Variants in ARMC9 observed in about 807,000 individuals in gnomAD.
ARMC9 encodes the protein armadillo repeat containing 9.
ARMC9 carries 94 observed loss-of-function variants against 107.0 expected under a neutral mutation model. That is an observed-to-expected ratio of 0.88 (90% CI 0.74 to 1.04). The LOEUF is 1.04. Among genes scored for constraint, ARMC9 ranks in the 50% least tolerant of loss-of-function variants. The pLI, the probability that ARMC9 is intolerant of heterozygous loss-of-function variation, is 0.00. For synonymous variants in ARMC9, 380 were observed against 396.9 expected, an observed-to-expected ratio of 0.96 and a Z score of 0.51; for missense variants, 942 against 1,030.1, an observed-to-expected ratio of 0.91 and a Z score of 1.17.
intron 21 of ARMC9, among the ~76,000 whole-genome samples, chr2:231,352,217 C>G (rs1319692796): frequency 2.0e-5 from 3 of 152,108 alleles, no homozygotes; most frequent in Admixed American, 6.5e-5. Flanking sequence ...CTACCTCAGC[C>G]TTCCAAAGTG....
At chr2:231,282,823 T>C (rs1384116220) in intron 17 of ARMC9, among the ~76,000 whole-genome samples, 1 of 152,196 alleles carries the variant, frequency 6.6e-6, no homozygotes, top group African/African-American at 2.4e-5. Context: ...TAAGAACCAT[T>C]CTATGTGATC....
chr2:231,217,429 C>T (rs1317220789), intron 5 of ARMC9, among the ~76,000 whole-genome samples: 3 of 151,952 alleles, frequency 2.0e-5, no homozygotes, highest in African/African-American at 4.8e-5. Flanking sequence ...ACTAAAAGTA[C>T]AAAAATTAGC....
At chr2:231,245,157 G>A (rs905448894) in intron 9 of ARMC9, among the ~76,000 whole-genome samples, 10 of 152,156 alleles carry the variant, frequency 6.6e-5, no homozygotes, top group African/African-American at 2.2e-4. Flanking sequence ...GTTTGACTCC[G>A]CGTATTGCTG....
chr2:231,235,847 G>A (rs2125361808), intron 8 of ARMC9, among the ~76,000 whole-genome samples: 1 of 152,308 alleles, frequency 6.6e-6, no homozygotes, highest in East Asian at 1.9e-4. Context: ...TCTCCATGTT[G>A]GTCAGGCTGG....
intron 1 of ARMC9, among the ~76,000 whole-genome samples, chr2:231,199,357 G>C (rs2030356851): frequency 6.6e-6 from 1 of 152,248 alleles, no homozygotes; most frequent in South Asian, 2.1e-4. Flanking sequence ...TGGGCATGGT[G>C]CCTGCCACGG....
At chr2:231,287,968 C>G (rs1011099504) in intron 17 of ARMC9, among the ~76,000 whole-genome samples, 1 of 152,154 alleles carries the variant, frequency 6.6e-6, no homozygotes, top group African/African-American at 2.4e-5. Context: ...GTGGGTACTC[C>G]TGAGCCTGAG....
At chr2:231,256,204 C>T (rs1574824679) in intron 9 of ARMC9, 11 of 1,529,322 alleles carry the variant, frequency 7.2e-6, no homozygotes, top group East Asian at 2.4e-5. Context: ...AATTCATGGA[C>T]GACACGAGCC....
At chr2:231,278,106 G>T (rs1574919231) in intron 15 of ARMC9, among the ~76,000 whole-genome samples, 1 of 152,134 alleles carries the variant, frequency 6.6e-6, no homozygotes, top group East Asian at 1.9e-4. Context: ...GGTTTACTGA[G>T]CACCGAGGTT....
At chr2:231,262,613 T>G (rs182185261) in intron 12 of ARMC9, among the ~76,000 whole-genome samples, 8 of 152,306 alleles carry the variant, frequency 5.3e-5, no homozygotes, top group Admixed American at 1.3e-4. Flanking sequence ...TCTCTGGAGC[T>G]CTTTTCTGCC....
intron 21 of ARMC9, among the ~76,000 whole-genome samples, chr2:231,352,891 C>T (rs1469787186): frequency 8.6e-6 from 1 of 116,728 alleles, no homozygotes; most frequent in Non-Finnish European, 1.6e-5. Flanking sequence ...GATGGTGAAT[C>T]CCCGTCTCTA....
rs2044731024 is a variant in ARMC9, at chr2:231,344,992, G to C, written c.1896G>C (p.Gly632=). ...TCCACCAGATCATGACCAACACGGG[G>C]AAGACAAGGCGGAAGGGGCTGGCTA... ...TEYLGIMTNT[G]KTRRKGLANV... is the part of the protein sequence containing the mutation. The change falls in exon 21 of 25, where the codon GGG becomes GGC. Residue 632 remains glycine, a synonymous_variant. Transcript: ENST00000611582. 1 of 1,613,894 alleles carries C rather than the reference G, an allele frequency of 6.2e-7. No individual in the cohort carries two copies. Among genetic ancestry groups the C allele is most frequent in the Non-Finnish European group, 8.5e-7 (1 of 1,180,000 alleles).
chr2:231,320,052 G>T (rs769657089), intron 19 of ARMC9, among the ~76,000 whole-genome samples: 10 of 152,018 alleles, frequency 6.6e-5, no homozygotes, highest in African/African-American at 2.2e-4. Context: ...TTGTTTACTG[G>T]CTTGCTTTTT....
chr2:231,320,178 C>G (rs1470059505), intron 19 of ARMC9, among the ~76,000 whole-genome samples: 1 of 152,152 alleles, frequency 6.6e-6, no homozygotes, highest in Non-Finnish European at 1.5e-5. Flanking sequence ...TCCTTCCTTT[C>G]CTGTGTTTTC....
chr2:231,267,291 C>T (rs1243184626), intron 12 of ARMC9, among the ~76,000 whole-genome samples: 3 of 152,054 alleles, frequency 2.0e-5, no homozygotes, highest in East Asian at 1.9e-4. Context: ...GGTGCAGTGG[C>T]GTGATCTCGG....
rs1203158230 is a variant in ARMC9, at chr2:231,374,372, T to G, written c.*2837T>G. 1.3e-5 allele frequency: 2 copies of G among 152,068 alleles called. No individual in the cohort carries two copies. The highest frequency in any genetic ancestry group is 1.3e-4 in the Admixed American group (2 of 15,266). The allele number at this position is 152,068 out of a possible 1,614,324, so 9.4% of individuals were successfully genotyped here. On this transcript the variant is annotated 3_prime_UTR_variant, in exon 25 of 25. Transcript: ENST00000611582. ...CTCACATCTTCTGGTTTCTTCTGAGTGGGACTTGATCTCATTTCTGCATTC... is the reference window on the plus strand; with the variant it reads ...CTCACATCTTCTGGTTTCTTCTGAGGGGGACTTGATCTCATTTCTGCATTC...
At chr2:231,235,475 C>T in intron 8 of ARMC9, 94 bp downstream of exon 8, 1 of 1,407,176 alleles carries the variant, frequency 7.1e-7, no homozygotes, top group South Asian at 1.6e-5. Flanking sequence ...GAGCCTGCCT[C>T]TCTCCATTCC....
intron 16 of ARMC9, among the ~76,000 whole-genome samples, chr2:231,279,807 G>C (rs1407644777): frequency 6.6e-6 from 1 of 151,984 alleles, no homozygotes; most frequent in Non-Finnish European, 1.5e-5. Flanking sequence ...ACCATGCCTG[G>C]CCCGTCTGTT....
intron 9 of ARMC9, among the ~76,000 whole-genome samples, chr2:231,246,303 AC>A (rs1284555967): frequency 6.6e-6 from 1 of 152,176 alleles, no homozygotes; most frequent in Non-Finnish European, 1.5e-5. Context: ...TGATCTCATC[AC>A]CCAGGTAGTG....
intron 9 of ARMC9, among the ~76,000 whole-genome samples, chr2:231,241,198 C>CAAAA (rs5839393): frequency 8.6e-6 from 1 of 116,142 alleles, no homozygotes; most frequent in Non-Finnish European, 1.9e-5. Flanking sequence ...GACTTAGTCT[C>CAAAA]AAAAAAAAAA....
Sources: allele counts gnomAD v4.1 joint callset (sites outside exome capture counted in the v4.1 genomes callset), GRCh38; gene constraint gnomAD v4.1.1; transcripts MANE v1.5; gene names NCBI Gene and HGNC (gene_info 2026-07-23, HGNC 2026-07-21).